The following HSPA14 variants were observed in gnomAD, a reference collection of about 807,000 sequenced individuals.
HSPA14 encodes the protein heat shock 70 kDa protein 14.
In HSPA14, 37 loss-of-function variants were observed where a neutral mutation model predicts 65.5. The observed-to-expected ratio is 0.56, with a 90% CI of 0.43 to 0.74. The LOEUF is 0.74. HSPA14 is among the 30% of genes least tolerant of loss of function. HSPA14 has a pLI of 0.00. For synonymous variants in HSPA14, 203 were observed against 214.2 expected, an observed-to-expected ratio of 0.95 and a Z score of 0.46; for missense variants, 564 against 607.6, an observed-to-expected ratio of 0.93 and a Z score of 0.75.
At chr10:14,867,678 T>G (rs1309961560) in intron 11 of HSPA14, 58 bp from the exon 12 acceptor site, 1 of 1,491,378 alleles carries the variant, frequency 6.7e-7, no homozygotes, top group Non-Finnish European at 9.1e-7. Context: ...AATGGGAAGT[T>G]TTTTTCAATT....
chr10:14,844,967 A>G (rs1354602782), intron 3 of HSPA14: 2 of 985,354 alleles, frequency 2.0e-6, no homozygotes, highest in African/African-American at 3.5e-5. Context: ...CAGATGTTGT[A>G]GACAGAAGTT....
chr10:14,853,053 T>C (rs1355883658), intron 8 of HSPA14, among the ~76,000 whole-genome samples: 1 of 151,814 alleles, frequency 6.6e-6, no homozygotes, highest in African/African-American at 2.4e-5. Flanking sequence ...AAGTCAGATA[T>C]GTAAAGGTTA....
rs914856890 is a variant in HSPA14, at chr10:14,852,531, G to A, written c.734G>A (p.Arg245Lys). ...LAQYLASEFQ[R>K]SFKHDVRGNA... ...CAGTATCTAGCTTCTGAGTTCCAAA[G>A]GTGAGTGTTAATGGCCTGAATAATA... Residue 245 changes from arginine (R) to lysine (K), a missense_variant and splice_region_variant, in exon 8 of 14, where the codon AGA (arginine) becomes AAA (lysine). Transcript: ENST00000378372. 46 of 1,610,528 alleles carry A rather than the reference G, an allele frequency of 2.9e-5. No individual in the cohort carries two copies. The highest frequency in any genetic ancestry group is 3.8e-5 in the Non-Finnish European group (45 of 1,178,244).
At chr10:14,843,402 C>T (rs566314719) in intron 3 of HSPA14, 251 of 1,550,790 alleles carry the variant, frequency 1.6e-4, no homozygotes, top group Non-Finnish European at 2.1e-4. Context: ...GCTACAGCAG[C>T]TCCCACAGCC....
chr10:14,859,323 T>G (rs1384559716), intron 10 of HSPA14, among the ~76,000 whole-genome samples: 2 of 152,172 alleles, frequency 1.3e-5, no homozygotes, highest in African/African-American at 2.4e-5. Flanking sequence ...TGCTTCACCC[T>G]CGCTTTCTGT....
At position 14,838,453 on chromosome 10, in the gene HSPA14, C is replaced by T. The variant is rs200107037; in HGVS notation, c.51C>T (p.Val17=). The T allele has an allele frequency of 1.2e-6, 2 of 1,604,860 alleles. No homozygotes were observed. Among genetic ancestry groups the T allele is most frequent in the Admixed American group, 1.7e-5 (1 of 59,278 alleles). ...GCTGCACCTCAGCCTGTGTGGCCGT[C>T]TATAAGGTGAGGGGCTGCGGAGCTG... ...HLGCTSACVA[V]YKDGRAGVVA... The change falls in exon 1 of 14, where the codon GTC becomes GTT. Residue 17 remains valine, a synonymous_variant. Transcript: ENST00000378372.
Position 14,855,822 on chromosome 10 carries a change from T to A in HSPA14, c.891-19T>A. 3 of 1,213,168 alleles carry A rather than the reference T, an allele frequency of 2.5e-6. No homozygotes were observed. The South Asian group carries it at 3.8e-5, about 15-fold the overall frequency. 75.2% of individuals were successfully genotyped at this position (1,213,168 alleles called of 1,614,324 possible). On this transcript the variant is annotated intron_variant, in intron 9 of 13. Coordinates refer to ENST00000378372, the MANE Select transcript of HSPA14 (RefSeq NM_016299.4). ...GTCCCTGTGTCTGTGTGTTTCTGTGTGTGTGTATGTGTGTACAGAGCAAGA... is the reference window on the plus strand; with the variant it reads ...GTCCCTGTGTCTGTGTGTTTCTGTGAGTGTGTATGTGTGTACAGAGCAAGA...
intron 12 of HSPA14, among the ~76,000 whole-genome samples, chr10:14,868,220 C>A (rs974341042): frequency 1.4e-4 from 22 of 152,234 alleles, no homozygotes; most frequent in African/African-American, 5.1e-4. Context: ...GCTAAATGCA[C>A]ATTATTGTGT....
At chr10:14,852,224 T>C (rs1588812445) in intron 7 of HSPA14, 146 bp from the exon 8 acceptor site, 1 of 658,634 alleles carries the variant, frequency 1.5e-6, no homozygotes, top group East Asian at 2.7e-5. Context: ...GATTTGTCAA[T>C]AAGTGACTAT....
At chr10:14,856,620 G>A (rs896286079) in intron 10 of HSPA14, among the ~76,000 whole-genome samples, 3 of 152,108 alleles carry the variant, frequency 2.0e-5, no homozygotes, top group African/African-American at 7.2e-5. Flanking sequence ...CCAACACTTT[G>A]GGAGGTCAAG....
At chr10:14,843,237 C>T in intron 3 of HSPA14, 2 of 1,104,162 alleles carry the variant, frequency 1.8e-6, no homozygotes, top group South Asian at 1.5e-5. Flanking sequence ...GAAATGGATT[C>T]TTCCCAGTCC....
intron 10 of HSPA14, among the ~76,000 whole-genome samples, chr10:14,864,113 G>A (rs1326768972): frequency 6.6e-6 from 1 of 151,770 alleles, no homozygotes; most frequent in Non-Finnish European, 1.5e-5. Flanking sequence ...AGCTACTCGG[G>A]AGACTGAAGC....
intron 10 of HSPA14, among the ~76,000 whole-genome samples, chr10:14,859,836 A>G (rs1446953923): frequency 6.6e-6 from 1 of 152,244 alleles, no homozygotes; most frequent in Non-Finnish European, 1.5e-5. Context: ...AATTGTTAAC[A>G]TTGCAATTTT....
Position 14,852,456 on chromosome 10 carries a change from C to T in HSPA14, c.659C>T (p.Thr220Ile), listed in dbSNP as rs767628389. 4 of 1,613,784 alleles carry T rather than the reference C, an allele frequency of 2.5e-6. No individual in the cohort carries two copies. The Admixed American group carries it at 5.0e-5, about 20-fold the overall frequency. Residue 220 changes from threonine (T) to isoleucine (I), a missense_variant, in exon 8 of 14, where the codon ACA (threonine) becomes ATA (isoleucine). Physicochemically the swap from Thr to Ile is moderately conservative, Grantham distance 89. Transcript: ENST00000378372. ...AGTGGAATATATCGGGTTCTTTCAA[C>T]AAACACTGATGATAACATCGGTGGT... ...VNSGIYRVLS[T>I]NTDDNIGGAH...
intron 10 of HSPA14, among the ~76,000 whole-genome samples, chr10:14,859,893 AT>A (rs1306772390): frequency 6.6e-6 from 1 of 151,992 alleles, no homozygotes; most frequent in African/African-American, 2.4e-5. Context: ...CTTTAGAATT[AT>A]TTTTTTCAAC....
Position 14,838,317 on chromosome 10 carries a change from C to T in HSPA14, c.-86C>T. 3.0e-6 allele frequency: 4 copies of T among 1,351,450 alleles called. No homozygotes were observed. The highest frequency in any genetic ancestry group is 4.1e-6 in the Non-Finnish European group (4 of 975,530). 83.7% of individuals were successfully genotyped at this position (1,351,450 alleles called of 1,614,324 possible). ...GGGCTGGCGGGAACGTGAAGCTCCG[C>T]GGTGCCTGATGGGGCCGTTGGGCGG... On this transcript the variant is annotated 5_prime_UTR_variant, in exon 1 of 14. Transcript: ENST00000378372.
chr10:14,839,669 T>C (rs1303811052), intron 1 of HSPA14, among the ~76,000 whole-genome samples: 2 of 152,196 alleles, frequency 1.3e-5, no homozygotes, highest in Non-Finnish European at 2.9e-5. Flanking sequence ...AAGGTTGTTA[T>C]TACTTTTGAT....
chr10:14,849,862 C>A, intron 6 of HSPA14, 51 bp downstream of exon 6: 1 of 1,068,350 alleles, frequency 9.4e-7, no homozygotes, highest in Non-Finnish European at 1.4e-6. Context: ...AGTACAAAGT[C>A]ACTATATAGT....
chr10:14,844,619 C>T, intron 3 of HSPA14: 1 of 985,180 alleles, frequency 1.0e-6, no homozygotes. Context: ...TCTTAGTCTC[C>T]TATCAATATA....
Sources: allele counts gnomAD v4.1 joint callset (sites outside exome capture counted in the v4.1 genomes callset), GRCh38; gene constraint gnomAD v4.1.1; transcripts MANE v1.5; gene names NCBI Gene and HGNC (gene_info 2026-07-23, HGNC 2026-07-21).